Variants in FAM13A observed in about 807,000 individuals in gnomAD.
The protein encoded by FAM13A is protein FAM13A.
A neutral mutation model predicts 129.6 loss-of-function variants in FAM13A; 76 were observed. The ratio of observed to expected loss-of-function variants is 0.59; its 90% CI spans 0.49 to 0.71. The LOEUF (loss-of-function observed/expected upper bound fraction) is 0.71. Ranked by LOEUF, FAM13A falls within the 30% of genes least tolerant of loss-of-function variation. The probability of loss-of-function intolerance (pLI) is 0.00; values close to 1 mark genes in which losing one functional copy is unlikely to be tolerated. For missense variants in FAM13A, 1,108 were observed against 1,249.3 expected (o/e 0.89, Z 1.70); for synonymous variants, 443 against 449.9 (o/e 0.98, Z 0.20).
chr4:88,843,420 T>C (rs59447026), intron 7 of FAM13A, among the ~76,000 whole-genome samples: 10,671 of 152,262 alleles, frequency 0.07, 530 homozygotes, highest in African/African-American at 0.14. Context: ...TCAGCTTCAG[T>C]AGTCAATTAA....
chr4:88,832,132 G>A (rs1733995764), intron 7 of FAM13A, among the ~76,000 whole-genome samples: 1 of 152,112 alleles, frequency 6.6e-6, no homozygotes, highest in Admixed American at 6.5e-5. Flanking sequence ...AGCAAGCAAT[G>A]GGGAAAGGAC....
intron 3 of FAM13A, among the ~76,000 whole-genome samples, chr4:89,008,429 G>A (rs1765335365): frequency 6.6e-6 from 1 of 152,194 alleles, no homozygotes; most frequent in South Asian, 2.1e-4. Context: ...CATCTGCAAG[G>A]AAAGAAAAGA....
At chr4:88,863,286 A>C (rs1255403304) in intron 6 of FAM13A, among the ~76,000 whole-genome samples, 1 of 152,176 alleles carries the variant, frequency 6.6e-6, no homozygotes, top group Non-Finnish European at 1.5e-5. Context: ...GAACCTCCAT[A>C]AAAAGCGTAA....
intron 4 of FAM13A, among the ~76,000 whole-genome samples, chr4:88,967,803 G>C (rs894997009): frequency 6.6e-6 from 1 of 152,218 alleles, no homozygotes; most frequent in African/African-American, 2.4e-5. Flanking sequence ...AATGGGGACA[G>C]AGAGGAAGGG....
chr4:88,892,627 AT>A (rs1055087414), intron 6 of FAM13A, among the ~76,000 whole-genome samples: 89 of 152,286 alleles, frequency 5.8e-4, no homozygotes, highest in African/African-American at 1.9e-3. Context: ...TAAAATAATT[AT>A]TTTTTTAAGT....
At chr4:88,897,298 C>T (rs1292782267) in intron 6 of FAM13A, among the ~76,000 whole-genome samples, 2 of 152,212 alleles carry the variant, frequency 1.3e-5, no homozygotes, top group East Asian at 1.9e-4. Context: ...AATAGCTACA[C>T]GAGTAAGTCC....
At chr4:88,829,259 T>C (rs1035858241) in intron 7 of FAM13A, among the ~76,000 whole-genome samples, 1 of 152,208 alleles carries the variant, frequency 6.6e-6, no homozygotes, top group African/African-American at 2.4e-5. Context: ...CTAAGCAACA[T>C]AGTGAGATCT....
intron 7 of FAM13A, among the ~76,000 whole-genome samples, chr4:88,814,150 A>G (rs976088916): frequency 6.6e-6 from 1 of 152,210 alleles, no homozygotes; most frequent in Non-Finnish European, 1.5e-5. Context: ...GATTTTTCAG[A>G]TAAGAAGAAC....
intron 2 of FAM13A, among the ~76,000 whole-genome samples, chr4:89,025,961 T>C (rs1767912229): frequency 6.6e-6 from 1 of 152,278 alleles, no homozygotes; most frequent in South Asian, 2.1e-4. Context: ...TTATTAACAA[T>C]TCAAAAAATA....
intron 4 of FAM13A, among the ~76,000 whole-genome samples, chr4:88,960,226 C>G (rs1396473692): frequency 6.6e-6 from 1 of 152,166 alleles, no homozygotes; most frequent in East Asian, 1.9e-4. Context: ...AGAAATCCGT[C>G]AGGAAAATAA....
intron 6 of FAM13A, among the ~76,000 whole-genome samples, chr4:88,894,469 T>C (rs576934732): frequency 6.6e-6 from 1 of 152,308 alleles, no homozygotes; most frequent in Admixed American, 6.5e-5. Flanking sequence ...TGTATAAGTA[T>C]ATATATAGAT....
At chr4:88,826,253 A>C (rs1472624082) in intron 7 of FAM13A, among the ~76,000 whole-genome samples, 1 of 150,736 alleles carries the variant, frequency 6.6e-6, no homozygotes, top group African/African-American at 2.4e-5. Flanking sequence ...GTTCAACTCC[A>C]ACTGTTTTGT....
intron 1 of FAM13A, among the ~76,000 whole-genome samples, chr4:89,053,664 G>T (rs1439360028): frequency 2.0e-5 from 3 of 151,950 alleles, no homozygotes; most frequent in Admixed American, 2.0e-4. Flanking sequence ...CATGAACTGG[G>T]GACAAATCAG....
rs148487503 is a variant in FAM13A at position 88,955,080 on chromosome 4, A to G, written c.606-16839T>C. On this transcript the variant is annotated intron_variant, in intron 4 of 23. Transcript: ENST00000264344. ...CTTCCTTCATACCTCACCGTTTTAT[A>G]ACTCTCACAAATATTTTCTTAAGAT... is the stretch of plus-strand genomic sequence containing the variant. Among the ~76,000 whole-genome samples, 332 of 152,230 alleles carry G rather than the reference A, an allele frequency of 2.2e-3. 1 individual carries two copies. Among genetic ancestry groups the G allele is most frequent in the Admixed American group, 0.016 (251 of 15,278 alleles).
intron 7 of FAM13A, among the ~76,000 whole-genome samples, chr4:88,820,627 T>C (rs750314253): frequency 6.6e-6 from 1 of 152,186 alleles, no homozygotes; most frequent in Non-Finnish European, 1.5e-5. Context: ...GTCACTAGCT[T>C]TATAAGCGCT....
At chr4:89,014,155 T>A (rs1227431596) in intron 3 of FAM13A, among the ~76,000 whole-genome samples, 1 of 152,110 alleles carries the variant, frequency 6.6e-6, no homozygotes, top group Non-Finnish European at 1.5e-5. Context: ...AAAATAAAAA[T>A]TCGTAGACGG....
At chr4:88,733,483 A>G (rs1248804609) in intron 21 of FAM13A, among the ~76,000 whole-genome samples, 1 of 152,228 alleles carries the variant, frequency 6.6e-6, no homozygotes, top group African/African-American at 2.4e-5. Context: ...TGTTTTAGTA[A>G]GAGTAATAAC....
chr4:88,821,143 T>C (rs948563080), intron 7 of FAM13A, among the ~76,000 whole-genome samples: 49 of 152,182 alleles, frequency 3.2e-4, no homozygotes, highest in African/African-American at 1.2e-3. Flanking sequence ...GAAAGTTTTC[T>C]ACACAAATGC....
In FAM13A at chr4:89,029,458, A is replaced by C. The variant is rs574112425; in HGVS notation, c.217+2T>G. On this transcript the variant is annotated splice_donor_variant, in intron 2 of 23. Transcript: ENST00000264344. LOFTEE classifies it high-confidence loss of function. ...AACAGACTAAAGCATGACTTAACTC[A>C]CCATGCTGCGTCAAATATTCCACTA... 1 of 1,594,548 alleles carries C rather than the reference A, an allele frequency of 6.3e-7. No homozygotes were observed. Among genetic ancestry groups the C allele is most frequent in the Non-Finnish European group, 8.5e-7 (1 of 1,172,920 alleles).
Sources: gnomAD v4.1 joint callset for allele counts (sites outside exome capture counted in the v4.1 genomes callset) on GRCh38, gnomAD v4.1.1 for gene constraint, MANE v1.5 for transcripts, NCBI Gene and HGNC (gene_info 2026-07-23, HGNC 2026-07-21) for gene names.